CDH13: variants seen among roughly 807,000 people sequenced by gnomAD.
CDH13 encodes the protein cadherin 13.
A neutral mutation model predicts 63.8 loss-of-function variants in CDH13; 24 were observed. The ratio of observed to expected loss-of-function variants is 0.38; its 90% confidence interval spans 0.27 to 0.53. The LOEUF (loss-of-function observed/expected upper bound fraction) is 0.53. Ranked by LOEUF, CDH13 falls within the 20% of genes least tolerant of loss-of-function variation. The pLI is 0.85. For synonymous variants in CDH13, 503 were observed against 355.3 expected, an observed-to-expected ratio of 1.42 and a Z score of -4.67; for missense variants, 1,049 against 903.1, an observed-to-expected ratio of 1.16 and a Z score of -2.07.
intron 6 of CDH13, among the ~76,000 whole-genome samples, chr16:83,358,337 T>C (rs1039390799): frequency 3.3e-5 from 5 of 152,128 alleles, no homozygotes; most frequent in Non-Finnish European, 5.9e-5. Context: ...AGTAGCGATA[T>C]GATGGCTAGA....
intron 2 of CDH13, chr16:82,859,775 A>T (rs935297396): frequency 2.0e-5 from 3 of 151,646 alleles, no homozygotes; most frequent in Non-Finnish European, 4.4e-5. Flanking sequence ...TTATTCTGTG[A>T]GGCTGGGACA....
intron 6 of CDH13, among the ~76,000 whole-genome samples, chr16:83,414,067 T>C (rs556197880): frequency 1.3e-5 from 2 of 152,318 alleles, no homozygotes; most frequent in East Asian, 3.9e-4. Context: ...CTTGATTCTT[T>C]TACTTCCCTA....
intron 7 of CDH13, among the ~76,000 whole-genome samples, chr16:83,587,946 CTTTTTTTT>C (rs72005662): frequency 1.4e-5 from 2 of 144,818 alleles, no homozygotes; most frequent in Non-Finnish European, 3.0e-5. Context: ...TCTTATACCT[CTTTTTTTT>C]TTTTTTGAAA....
chr16:83,427,699 C>T (rs750372712), intron 6 of CDH13, among the ~76,000 whole-genome samples: 4 of 152,136 alleles, frequency 2.6e-5, no homozygotes, highest in East Asian at 1.9e-4. Flanking sequence ...CCTCCACCCT[C>T]GGCAGGCCTG....
chr16:82,860,463 G>A (rs2039899178), intron 2 of CDH13, among the ~76,000 whole-genome samples: 1 of 151,230 alleles, frequency 6.6e-6, no homozygotes. Flanking sequence ...GTTGCTTCTG[G>A]GTAAGCTAGT....
chr16:83,532,992 T>C (rs1023684512), intron 7 of CDH13, among the ~76,000 whole-genome samples: 2 of 152,238 alleles, frequency 1.3e-5, no homozygotes, highest in Non-Finnish European at 2.9e-5. Context: ...CAGAGCTCTC[T>C]GTAGGAGAAG....
At chr16:83,148,374 A>G (rs2036840508) in intron 4 of CDH13, among the ~76,000 whole-genome samples, 1 of 152,240 alleles carries the variant, frequency 6.6e-6, no homozygotes, top group South Asian at 2.1e-4. Context: ...GGGTGGTGCC[A>G]TGTAGGCTCA....
At chr16:83,668,979 C>A (rs1212291518) in intron 8 of CDH13, among the ~76,000 whole-genome samples, 1 of 152,190 alleles carries the variant, frequency 6.6e-6, no homozygotes, top group Admixed American at 6.5e-5. Context: ...CACCTGCCTG[C>A]CGTCCTTAGA....
chr16:83,540,022 G>C (rs1012887407), intron 7 of CDH13, among the ~76,000 whole-genome samples: 2 of 151,692 alleles, frequency 1.3e-5, no homozygotes, highest in Non-Finnish European at 2.9e-5. Flanking sequence ...GGTTTGTCCT[G>C]GACAAGACTG....
intron 3 of CDH13, among the ~76,000 whole-genome samples, chr16:83,052,776 C>CAAAAAAAAAAAAAAA (rs71148805): frequency 1.1e-5 from 1 of 92,878 alleles, no homozygotes; most frequent in Admixed American, 1.1e-4. Context: ...GACTTTATCT[C>CAAAAAAAAAAAAAAA]AAAAAAAAAA....
At chr16:83,139,403 G>A (rs926557604) in intron 4 of CDH13, among the ~76,000 whole-genome samples, 2 of 152,114 alleles carry the variant, frequency 1.3e-5, no homozygotes, top group East Asian at 3.8e-4. Context: ...TGGCCTTCTA[G>A]CCTCAAATTT....
intron 3 of CDH13, among the ~76,000 whole-genome samples, chr16:83,072,564 C>A (rs2032518043): frequency 6.6e-6 from 1 of 152,150 alleles, no homozygotes; most frequent in Non-Finnish European, 1.5e-5. Context: ...TCAATGGGAT[C>A]ACAAACTTGA....
chr16:82,766,000 A>G (rs1474292370), intron 1 of CDH13, among the ~76,000 whole-genome samples: 1 of 152,234 alleles, frequency 6.6e-6, no homozygotes, highest in African/African-American at 2.4e-5. Flanking sequence ...TCCAAGCTTA[A>G]TAGAGAAATC....
intron 6 of CDH13, among the ~76,000 whole-genome samples, chr16:83,469,410 CG>C (rs2151536461): frequency 6.6e-6 from 1 of 152,158 alleles, no homozygotes; most frequent in South Asian, 2.1e-4. Flanking sequence ...TCAAATAGGT[CG>C]GGGGTCGAGC....
At chr16:82,908,586 T>C (rs370039947) in intron 2 of CDH13, among the ~76,000 whole-genome samples, 1 of 152,184 alleles carries the variant, frequency 6.6e-6, no homozygotes, top group African/African-American at 2.4e-5. Flanking sequence ...AAAACAGATA[T>C]TCCCTTTTCC....
chr16:82,944,416 G>A (rs1484062017), intron 2 of CDH13, among the ~76,000 whole-genome samples: 2 of 152,164 alleles, frequency 1.3e-5, no homozygotes, highest in Admixed American at 6.5e-5. Flanking sequence ...AGAGAAGTTG[G>A]TCAGGAAGGT....
rs757483895 is a variant in CDH13, at chr16:83,520,415, T to A, written c.960+33760T>A. Among the ~76,000 whole-genome samples, 4 of 152,144 alleles carry A rather than the reference T, an allele frequency of 2.6e-5. No homozygotes were observed. In the South Asian group the frequency reaches 8.3e-4, roughly 32 times the overall value. On this transcript the variant is annotated intron_variant, in intron 7 of 13. Coordinates refer to ENST00000567109, the MANE Select transcript of CDH13 (RefSeq NM_001257.5). ...GAAAGCCTGCTGGAGACTGGGAATG[T>A]TCTCTCAGTCTGGGTATTAGTTACA... is the stretch of plus-strand genomic sequence containing the variant.
At chr16:82,793,378 A>AG (rs1183625543) in intron 1 of CDH13, among the ~76,000 whole-genome samples, 1 of 115,038 alleles carries the variant, frequency 8.7e-6, no homozygotes, top group African/African-American at 2.7e-5. Context: ...TGGAAAAGGG[A>AG]GGGAAAAAAA....
At chr16:83,037,395 C>G (rs1252162433) in intron 3 of CDH13, among the ~76,000 whole-genome samples, 1 of 152,120 alleles carries the variant, frequency 6.6e-6, no homozygotes, top group Non-Finnish European at 1.5e-5. Context: ...GAAGGCTGTG[C>G]CACTGGGGAG....
Sources: gnomAD v4.1 joint callset for allele counts (sites outside exome capture counted in the v4.1 genomes callset) on GRCh38, gnomAD v4.1.1 for gene constraint, MANE v1.5 for transcripts, NCBI Gene and HGNC (gene_info 2026-07-23, HGNC 2026-07-21) for gene names.